Variants in GRB10 observed in about 807,000 individuals in gnomAD.
GRB10 encodes growth factor receptor bound protein 10, also known as growth factor receptor-bound protein 10.
A neutral mutation model predicts 80.9 loss-of-function variants in GRB10; 20 were observed. The ratio of observed to expected loss-of-function variants is 0.25; its 90% CI spans 0.17 to 0.36. The LOEUF (loss-of-function observed/expected upper bound fraction) is 0.36. Ranked by LOEUF, GRB10 falls within the 10% of genes least tolerant of loss-of-function variation. The pLI, the probability that GRB10 is intolerant of heterozygous loss-of-function variation, is 1.00. For missense variants in GRB10, 548 were observed against 747.7 expected (o/e 0.73, Z 3.12); for synonymous variants, 291 against 291.5 (o/e 1.00, Z 0.02).
intron 7 of GRB10, among the ~76,000 whole-genome samples, chr7:50,628,841 GAAAGT>G (rs1427536913): frequency 6.6e-6 from 1 of 152,124 alleles, no homozygotes; most frequent in East Asian, 1.9e-4. Flanking sequence ...GTCACTCAAT[GAAAGT>G]ATACTTCCCC....
At chr7:50,715,898 G>A (rs1176238535) in intron 4 of GRB10, among the ~76,000 whole-genome samples, 4 of 152,278 alleles carry the variant, frequency 2.6e-5, no homozygotes, top group African/African-American at 4.8e-5. Flanking sequence ...TCCACATGAC[G>A]CAGCCCTACT....
chr7:50,600,516 T>C (rs1311949719), intron 17 of GRB10, among the ~76,000 whole-genome samples: 1 of 149,060 alleles, frequency 6.7e-6, no homozygotes, highest in African/African-American at 2.5e-5. Context: ...AGACCAAAAA[T>C]GAACCAACTA....
At chr7:50,605,928 C>T (rs973788973) in intron 14 of GRB10, among the ~76,000 whole-genome samples, 5 of 152,162 alleles carry the variant, frequency 3.3e-5, no homozygotes, top group South Asian at 2.1e-4. Flanking sequence ...ACAAGAGGAA[C>T]GATGACAATC....
chr7:50,730,433 C>A (rs978831228), intron 4 of GRB10, among the ~76,000 whole-genome samples: 1 of 152,092 alleles, frequency 6.6e-6, no homozygotes, highest in South Asian at 2.1e-4. Flanking sequence ...AATATAATTA[C>A]GACTGCTCAA....
intron 18 of GRB10, 131 bp downstream of exon 18, chr7:50,595,306 A>G (rs1296269847): frequency 1.3e-5 from 9 of 700,364 alleles, no homozygotes; most frequent in Non-Finnish European, 2.3e-5. Context: ...GAAATTCTTG[A>G]AAGTTTCTTA....
chr7:50,678,115 T>C (rs2153645445), intron 5 of GRB10, among the ~76,000 whole-genome samples: 1 of 152,332 alleles, frequency 6.6e-6, no homozygotes, highest in Admixed American at 6.5e-5. Context: ...CCTGTCCTTT[T>C]CCTGCTAAGC....
intron 17 of GRB10, among the ~76,000 whole-genome samples, chr7:50,602,821 G>A (rs558711581): frequency 2.9e-4 from 44 of 152,162 alleles, no homozygotes; most frequent in African/African-American, 1.0e-3. Context: ...AAAACAAAAG[G>A]GTCCTTATTT....
chr7:50,643,739 T>G (rs1199165463), intron 7 of GRB10, among the ~76,000 whole-genome samples: 2 of 152,174 alleles, frequency 1.3e-5, no homozygotes, highest in Non-Finnish European at 2.9e-5. Flanking sequence ...TCTCAAATGG[T>G]CCAAAGAATC....
At chr7:50,718,509 C>T (rs909855869) in intron 4 of GRB10, among the ~76,000 whole-genome samples, 2 of 152,142 alleles carry the variant, frequency 1.3e-5, no homozygotes, top group African/African-American at 4.8e-5. Flanking sequence ...GCTTCCTGAG[C>T]ACACTGACTG....
chr7:50,660,783 T>C (rs1216965841), intron 7 of GRB10, among the ~76,000 whole-genome samples: 4 of 152,106 alleles, frequency 2.6e-5, no homozygotes, highest in Non-Finnish European at 5.9e-5. Flanking sequence ...TGCTGACTCT[T>C]GCGTGCGTGA....
intron 7 of GRB10, among the ~76,000 whole-genome samples, chr7:50,633,189 A>G (rs992991980): frequency 1.2e-4 from 18 of 151,964 alleles, no homozygotes; most frequent in African/African-American, 4.3e-4. Context: ...TGAAACCTCC[A>G]CCTCCCCATT....
intron 4 of GRB10, among the ~76,000 whole-genome samples, chr7:50,715,107 G>A (rs2066643471): frequency 6.6e-6 from 1 of 151,854 alleles, no homozygotes; most frequent in Admixed American, 6.6e-5. Context: ...GAGGGCAGGG[G>A]GCCAAGGGTA....
At chr7:50,786,309 A>C (rs954479952), upstream of GRB10, among the ~76,000 whole-genome samples, 3 of 152,212 alleles carry the variant, frequency 2.0e-5, no homozygotes, top group African/African-American at 7.2e-5. Context: ...AATGGAAGAA[A>C]AGAAATGAAA....
intron 3 of GRB10, among the ~76,000 whole-genome samples, chr7:50,742,952 G>T (rs560116167): frequency 6.6e-6 from 1 of 151,994 alleles, no homozygotes; most frequent in Admixed American, 6.5e-5. Flanking sequence ...AACTATACTC[G>T]GTTCCTCAAA....
intron 7 of GRB10, among the ~76,000 whole-genome samples, chr7:50,637,546 G>C (rs2055302850): frequency 6.6e-6 from 1 of 152,100 alleles, no homozygotes; most frequent in African/African-American, 2.4e-5. Context: ...AGGAATCATA[G>C]ATGGCACAAA....
At chr7:50,633,349 C>T (rs112950414) in intron 7 of GRB10, among the ~76,000 whole-genome samples, 14 of 152,232 alleles carry the variant, frequency 9.2e-5, no homozygotes, top group African/African-American at 3.4e-4. Context: ...TACAGAGAAG[C>T]CAAGACAAAG....
chr7:50,675,538 G>A (rs1312708410), intron 5 of GRB10, among the ~76,000 whole-genome samples: 3 of 152,186 alleles, frequency 2.0e-5, no homozygotes, highest in African/African-American at 7.2e-5. Flanking sequence ...TCTCTCATGT[G>A]AGAGTGCCTC....
intron 3 of GRB10, among the ~76,000 whole-genome samples, chr7:50,737,574 C>T (rs887639391): frequency 2.0e-5 from 3 of 152,240 alleles, no homozygotes; most frequent in Admixed American, 1.3e-4. Flanking sequence ...CTAGGCCGGG[C>T]GTGGTGGCTC....
chr7:50,727,204 C>T (rs111635431), intron 4 of GRB10: 3,003 of 152,196 alleles, frequency 0.02, 113 homozygotes, highest in African/African-American at 0.069. Context: ...TGCAGGCTGT[C>T]GAATATGTTA....
Sources: gnomAD v4.1 joint callset for allele counts (sites outside exome capture counted in the v4.1 genomes callset) on GRCh38, gnomAD v4.1.1 for gene constraint, MANE v1.5 for transcripts, NCBI Gene and HGNC (gene_info 2026-07-23, HGNC 2026-07-21) for gene names.